Variants in HTR1F observed in about 807,000 individuals in gnomAD.
HTR1F encodes the protein 5-hydroxytryptamine receptor 1F, also known as 5-hydroxytryptamine (serotonin) receptor 1F, G protein-coupled.
In HTR1F, 17 loss-of-function variants were observed where a neutral mutation model predicts 24.0. The ratio of observed to expected loss-of-function variants is 0.71; its 90% CI spans 0.48 to 1.06. HTR1F has a LOEUF of 1.06. HTR1F is among the 50% of genes least tolerant of loss of function. HTR1F has a pLI of 0.00. For synonymous variants in HTR1F, 186 were observed against 156.8 expected (o/e 1.19, Z -1.39); for missense variants, 391 against 427.8 (o/e 0.91, Z 0.76).
At chr3:87,829,388 A>C (rs1704528457) in intron 2 of HTR1F, among the ~76,000 whole-genome samples, 2 of 152,246 alleles carry the variant, frequency 1.3e-5, no homozygotes, top group Non-Finnish European at 2.9e-5. Context: ...TGTCAAATGA[A>C]GCATATGCGA....
intron 2 of HTR1F, among the ~76,000 whole-genome samples, chr3:87,861,755 A>G (rs1000281276): frequency 1.1e-4 from 17 of 152,078 alleles, no homozygotes; most frequent in African/African-American, 4.1e-4. Context: ...ACTTACATAA[A>G]TTTGTGTTTT....
chr3:87,863,228 TG>T (rs1705355709), intron 2 of HTR1F, among the ~76,000 whole-genome samples: 2 of 152,284 alleles, frequency 1.3e-5, no homozygotes, highest in South Asian at 4.1e-4. Context: ...GCTTTGAGTT[TG>T]GGGGGGTTTT....
intron 2 of HTR1F, among the ~76,000 whole-genome samples, chr3:87,888,463 A>G (rs1231799680): frequency 2.0e-5 from 3 of 152,138 alleles, no homozygotes; most frequent in Non-Finnish European, 4.4e-5. Flanking sequence ...AACTTAAAGT[A>G]TAATAAAAAA....
chr3:87,814,490 C>T (rs1260774407), intron 1 of HTR1F, among the ~76,000 whole-genome samples: 3 of 152,084 alleles, frequency 2.0e-5, no homozygotes, highest in African/African-American at 4.8e-5. Flanking sequence ...ACTTATTCCT[C>T]TTATCCAACT....
chr3:87,866,923 T>A (rs1429702161), intron 2 of HTR1F, among the ~76,000 whole-genome samples: 4 of 151,548 alleles, frequency 2.6e-5, no homozygotes, highest in Non-Finnish European at 5.9e-5. Context: ...TTCTTTATGG[T>A]CTCCCCTGAG....
rs539315687 is a variant in HTR1F at position 87,902,234 on chromosome 3, A to G, written c.-43+80110A>G. Among the ~76,000 whole-genome samples, 60 of 152,272 alleles carry G rather than the reference A, an allele frequency of 3.9e-4. 1 individual carries two copies. The South Asian group carries it at 0.012, about 29-fold the overall frequency. On this transcript the variant is annotated intron_variant, in intron 2 of 2. Transcript: ENST00000319595. ...AAGGACAGGAAAGTAGCACAATAGAATAAAACAGAGACCCTAAAAAGATAC... is the reference window on the plus strand; with the variant it reads ...AAGGACAGGAAAGTAGCACAATAGAGTAAAACAGAGACCCTAAAAAGATAC...
intron 2 of HTR1F, among the ~76,000 whole-genome samples, chr3:87,922,764 T>A (rs539822093): frequency 6.6e-6 from 1 of 151,918 alleles, no homozygotes; most frequent in East Asian, 1.9e-4. Flanking sequence ...TCCAGCAACA[T>A]TTATTAAGAC....
chr3:87,811,193 G>A (rs747654440), intron 1 of HTR1F, among the ~76,000 whole-genome samples: 1 of 151,868 alleles, frequency 6.6e-6, no homozygotes, highest in Non-Finnish European at 1.5e-5. Flanking sequence ...CAGTAGTCTG[G>A]CTCACTAGTT....
At chr3:87,803,373 A>G (rs922266259) in intron 1 of HTR1F, among the ~76,000 whole-genome samples, 1 of 152,146 alleles carries the variant, frequency 6.6e-6, no homozygotes, top group Non-Finnish European at 1.5e-5. Context: ...ATATTCTCCC[A>G]GATTTACCCT....
At chr3:87,797,551 A>T (rs1388656841) in intron 1 of HTR1F, among the ~76,000 whole-genome samples, 1 of 152,206 alleles carries the variant, frequency 6.6e-6, no homozygotes, top group Admixed American at 6.5e-5. Context: ...GGTAGGGTAA[A>T]ATGATAGAAG....
intron 2 of HTR1F, among the ~76,000 whole-genome samples, chr3:87,988,964 T>C (rs1705742326): frequency 6.6e-6 from 1 of 151,794 alleles, no homozygotes; most frequent in Admixed American, 6.6e-5. Context: ...ATTAAGTATT[T>C]TAAAGTATTA....
intron 2 of HTR1F, among the ~76,000 whole-genome samples, chr3:87,839,008 TTTTA>T (rs1210059325): frequency 5.2e-4 from 53 of 101,278 alleles, no homozygotes; most frequent in African/African-American, 5.4e-4. Context: ...TATTTATTTA[TTTTA>T]TTTTTATTTT....
chr3:87,945,245 C>T (rs73847730), intron 2 of HTR1F, among the ~76,000 whole-genome samples: 1,893 of 151,810 alleles, frequency 0.012, 31 homozygotes, highest in Non-Finnish European at 0.02. Flanking sequence ...ACACCTAAAT[C>T]GGGAGGGACA....
At chr3:87,803,208 A>C (rs1704022441) in intron 1 of HTR1F, among the ~76,000 whole-genome samples, 1 of 152,298 alleles carries the variant, frequency 6.6e-6, no homozygotes, top group Non-Finnish European at 1.5e-5. Context: ...ATTTTATAAG[A>C]TATCAGAAGA....
chr3:87,868,167 C>T (rs1705469403), intron 2 of HTR1F, among the ~76,000 whole-genome samples: 1 of 152,022 alleles, frequency 6.6e-6, no homozygotes, highest in African/African-American at 2.4e-5. Flanking sequence ...GATTTTGTTG[C>T]CATGGTGGCT....
intron 2 of HTR1F, among the ~76,000 whole-genome samples, chr3:87,839,030 T>TA (rs1337897060): frequency 6.7e-6 from 1 of 149,592 alleles, no homozygotes; most frequent in Non-Finnish European, 1.5e-5. Flanking sequence ...TTTTATTTTT[T>TA]TTTTTTGCTG....
At chr3:87,866,278 T>G (rs1203230119) in intron 2 of HTR1F, among the ~76,000 whole-genome samples, 1 of 152,188 alleles carries the variant, frequency 6.6e-6, no homozygotes, top group African/African-American at 2.4e-5. Flanking sequence ...ATATGCCCCA[T>G]CAGAGGTAGG....
chr3:87,804,038 T>C (rs1704034870), intron 1 of HTR1F, among the ~76,000 whole-genome samples: 1 of 152,142 alleles, frequency 6.6e-6, no homozygotes, highest in Non-Finnish European at 1.5e-5. Flanking sequence ...TCTTTGACCC[T>C]AAGTTATTAG....
chr3:87,907,774 G>C (rs72913747), intron 2 of HTR1F, among the ~76,000 whole-genome samples: 65 of 151,876 alleles, frequency 4.3e-4, no homozygotes, highest in African/African-American at 1.6e-3. Flanking sequence ...ATTAAATATA[G>C]GTAAGTAATA....
Sources: gnomAD v4.1 joint callset for allele counts (sites outside exome capture counted in the v4.1 genomes callset) on GRCh38, gnomAD v4.1.1 for gene constraint, MANE v1.5 for transcripts, NCBI Gene and HGNC (gene_info 2026-07-23, HGNC 2026-07-21) for gene names.